GRM7: variants seen among roughly 807,000 people sequenced by gnomAD.
The protein encoded by GRM7 is glutamate metabotropic receptor 7.
Under a neutral mutation model 84.5 loss-of-function variants are expected in GRM7, and 35 were observed. That is an observed-to-expected ratio of 0.41 (90% CI 0.32 to 0.55). The LOEUF (loss-of-function observed/expected upper bound fraction) is 0.55, where lower values mean the gene tolerates loss of function less well. Among genes scored for constraint, GRM7 ranks in the 20% least tolerant of loss-of-function variants. The probability of loss-of-function intolerance (pLI) is 0.19; values close to 1 mark genes in which losing one functional copy is unlikely to be tolerated. For synonymous variants in GRM7, 487 were observed against 455.1 expected, an observed-to-expected ratio of 1.07 and a Z score of -0.89; for missense variants, 1,003 against 1,194.6, an observed-to-expected ratio of 0.84 and a Z score of 2.36.
At chr3:7,085,620 G>T (rs1024955677) in intron 1 of GRM7, among the ~76,000 whole-genome samples, 1 of 152,136 alleles carries the variant, frequency 6.6e-6, no homozygotes, top group African/African-American at 2.4e-5. Flanking sequence ...AGCGAGCAAA[G>T]ATCTGTTCAG....
intron 1 of GRM7, among the ~76,000 whole-genome samples, chr3:7,035,319 G>A (rs1696346632): frequency 6.6e-6 from 1 of 152,142 alleles, no homozygotes; most frequent in Admixed American, 6.5e-5. Context: ...AATATTTCAG[G>A]TGATTTAGTC....
At chr3:7,184,638 G>A (rs1489206854) in intron 2 of GRM7, among the ~76,000 whole-genome samples, 1 of 151,924 alleles carries the variant, frequency 6.6e-6, no homozygotes, top group Non-Finnish European at 1.5e-5. Context: ...CATATAATTA[G>A]AAATATATTA....
chr3:7,336,335 TC>T (rs1175147310), intron 4 of GRM7, among the ~76,000 whole-genome samples: 1 of 151,302 alleles, frequency 6.6e-6, no homozygotes, highest in Non-Finnish European at 1.5e-5. Flanking sequence ...CTTGGCAAAA[TC>T]CAGTATTCCT....
At chr3:7,318,551 T>C (rs1186374925) in intron 4 of GRM7, among the ~76,000 whole-genome samples, 1 of 151,972 alleles carries the variant, frequency 6.6e-6, no homozygotes, top group African/African-American at 2.4e-5. Context: ...ATTTATAAAT[T>C]TGGAAGGTTG....
chr3:7,572,371 T>C (rs966764168), intron 7 of GRM7, among the ~76,000 whole-genome samples: 3 of 152,140 alleles, frequency 2.0e-5, no homozygotes, highest in Admixed American at 1.3e-4. Context: ...GTAATTCAAA[T>C]GTGCAAACAA....
intron 2 of GRM7, among the ~76,000 whole-genome samples, chr3:7,152,137 C>G (rs571226607): frequency 6.6e-6 from 1 of 152,220 alleles, no homozygotes; most frequent in Admixed American, 6.5e-5. Context: ...TCAAGAAAGA[C>G]TTGCATTTCA....
intron 9 of GRM7, chr3:7,686,401 TG>T: frequency 6.4e-7 from 1 of 1,562,286 alleles, no homozygotes; most frequent in Non-Finnish European, 8.8e-7. Flanking sequence ...GTCTGTTACT[TG>T]GTACACTATC....
In GRM7 at chr3:6,863,371, G is replaced by C. The variant is rs1694831679; in HGVS notation, c.519+1464G>C. Among the ~76,000 whole-genome samples, 1 of 152,222 alleles carries C rather than the reference G, an allele frequency of 6.6e-6. No individual in the cohort carries two copies. Among genetic ancestry groups the C allele is most frequent in the Middle Eastern group, 3.4e-3 (1 of 294 alleles). ...GCCCCTCTCAAGTGCTTTCCCAAAA[G>C]GTGTTGGGCTTCAGAAGGGGACTCT... is the stretch of plus-strand genomic sequence containing the variant. On this transcript the variant is annotated intron_variant, in intron 1 of 9. Transcript: ENST00000357716. The surrounding 1 kb of genome is among the most constrained non-coding windows in gnomAD (Gnocchi z 4.8).
intron 1 of GRM7, among the ~76,000 whole-genome samples, chr3:6,881,750 T>C (rs1035844916): frequency 1.3e-5 from 2 of 152,164 alleles, no homozygotes; most frequent in African/African-American, 4.8e-5. Context: ...AAATTTCTGG[T>C]AGCGTTCTGT....
At chr3:7,389,406 T>G (rs1309133131) in intron 4 of GRM7, among the ~76,000 whole-genome samples, 2 of 152,100 alleles carry the variant, frequency 1.3e-5, no homozygotes, top group Admixed American at 6.6e-5. Flanking sequence ...AGTGAGAAAT[T>G]TAGAATTTGT....
At chr3:7,107,333 A>G (rs1692692003) in intron 1 of GRM7, among the ~76,000 whole-genome samples, 1 of 152,044 alleles carries the variant, frequency 6.6e-6, no homozygotes, top group Admixed American at 6.6e-5. Flanking sequence ...ATATTTATGT[A>G]ATACGTTCTA....
At position 7,462,981 on chromosome 3, in the gene GRM7, A is replaced by C. The variant is rs557521294; in HGVS notation, c.1515+1259A>C. ...AGAAAATAAAAACAACACAAACAAA[A>C]ACCTAAAAGGTAAACTCAAGGTGGG... On this transcript the variant is annotated intron_variant, in intron 7 of 9. Coordinates refer to ENST00000357716, the MANE Select transcript of GRM7 (RefSeq NM_000844.4). Among the ~76,000 whole-genome samples the C allele has an allele frequency of 2.6e-5, 4 of 151,156 alleles. No individual in the cohort carries two copies. In the South Asian group the frequency reaches 8.8e-4, roughly 33 times the overall value.
At chr3:7,348,147 G>A (rs774004590) in intron 4 of GRM7, among the ~76,000 whole-genome samples, 7 of 152,100 alleles carry the variant, frequency 4.6e-5, no homozygotes, top group Non-Finnish European at 8.8e-5. Flanking sequence ...TATCGGCCTA[G>A]GTCATCTGTT....
At chr3:7,156,288 G>GTTTTGTATTTTGAACAACC (rs1694447598) in intron 2 of GRM7, among the ~76,000 whole-genome samples, 1 of 152,164 alleles carries the variant, frequency 6.6e-6, no homozygotes, top group Admixed American at 6.5e-5. Flanking sequence ...ACTGCTTTAT[G>GTTTTGTATTTTGAACAACC]TGTTTTCTTT....
intron 2 of GRM7, among the ~76,000 whole-genome samples, chr3:7,284,935 G>T (rs2125001649): frequency 6.6e-6 from 1 of 152,218 alleles, no homozygotes; most frequent in East Asian, 1.9e-4. Context: ...ATGCTAATTT[G>T]AAGCTTATGC....
chr3:7,166,291 C>T (rs1694796417), intron 2 of GRM7, among the ~76,000 whole-genome samples: 2 of 152,004 alleles, frequency 1.3e-5, no homozygotes, highest in African/African-American at 4.8e-5. Context: ...GATCTTATAC[C>T]TGTAACATTG....
At chr3:7,074,483 ATTAT>A (rs1431632174) in intron 1 of GRM7, among the ~76,000 whole-genome samples, 1 of 152,146 alleles carries the variant, frequency 6.6e-6, no homozygotes, top group African/African-American at 2.4e-5. Flanking sequence ...TAGTCTGTGA[ATTAT>A]TTATGTTACT....
At chr3:7,262,157 T>C (rs941036564) in intron 2 of GRM7, among the ~76,000 whole-genome samples, 1 of 151,842 alleles carries the variant, frequency 6.6e-6, no homozygotes, top group Non-Finnish European at 1.5e-5. Context: ...TTAGGGATCA[T>C]CTTCTTGTGA....
At position 6,928,706 on chromosome 3, in the gene GRM7, A is replaced by G. The variant is rs748483314; in HGVS notation, c.519+66799A>G. Among the ~76,000 whole-genome samples, 2 of 152,188 alleles carry G rather than the reference A, an allele frequency of 1.3e-5. No individual in the cohort carries two copies. Among genetic ancestry groups the G allele is most frequent in the Non-Finnish European group, 2.9e-5 (2 of 68,038 alleles). On this transcript the variant is annotated intron_variant, in intron 1 of 9. Transcript: ENST00000357716. This position sits in a 1 kb window ranked among gnomAD's most constrained non-coding sequence, Gnocchi z 4.5. ...GGTGATAATCTTCTCTTGGCCTCCA[A>G]TTTATCACTAAATGGCTTTTCCATG...
Sources: gnomAD v4.1 joint callset for allele counts (sites outside exome capture counted in the v4.1 genomes callset) on GRCh38, gnomAD v4.1.1 for gene constraint, Gnocchi (gnomAD v3.1) non-coding constraint, MANE v1.5 for transcripts, NCBI Gene and HGNC (gene_info 2026-07-23, HGNC 2026-07-21) for gene names.